The following CDH18 variants were observed in gnomAD, a reference collection of about 807,000 sequenced individuals.
CDH18 encodes the protein cadherin-18.
Under a neutral mutation model 67.9 loss-of-function variants are expected in CDH18, and 31 were observed. The observed-to-expected ratio is 0.46, with a 90% CI of 0.34 to 0.62. The LOEUF is 0.62. CDH18 is among the 20% of genes least tolerant of loss of function. The probability of loss-of-function intolerance (pLI) is 0.01; values close to 1 mark genes in which losing one functional copy is unlikely to be tolerated. For missense variants in CDH18, 890 were observed against 975.5 expected, an observed-to-expected ratio of 0.91 and a Z score of 1.17; for synonymous variants, 362 against 347.2, an observed-to-expected ratio of 1.04 and a Z score of -0.48.
chr5:20,060,745 A>G (rs1737174977), intron 2 of CDH18, among the ~76,000 whole-genome samples: 1 of 152,300 alleles, frequency 6.6e-6, no homozygotes, highest in African/African-American at 2.4e-5. Context: ...TTAAACTTGC[A>G]TCAAACAGAG....
intron 5 of CDH18, among the ~76,000 whole-genome samples, chr5:19,624,831 T>G (rs1751270601): frequency 6.6e-6 from 1 of 152,186 alleles, no homozygotes; most frequent in African/African-American, 2.4e-5. Flanking sequence ...TGATTAAGGT[T>G]GCATGCTACA....
chr5:19,760,577 A>G (rs547972934), intron 3 of CDH18, among the ~76,000 whole-genome samples: 2 of 152,304 alleles, frequency 1.3e-5, no homozygotes, highest in South Asian at 4.1e-4. Context: ...CAATAAATTC[A>G]GCCTGATCCG....
rs183557951 is a variant in CDH18, at chr5:19,960,916, T to C, written c.-257+20144A>G. Among the ~76,000 whole-genome samples the C allele has an allele frequency of 2.6e-3, 394 of 151,060 alleles. 3 individuals carry two copies. The highest frequency in any genetic ancestry group is 9.3e-3 in the African/African-American group (383 of 41,202). ...ATAACCCAATAACATAGTCATTTAT[T>C]ATCATTATCAAGCATTATGTAGTGT... On this transcript the variant is annotated intron_variant, in intron 2 of 12. Transcript: ENST00000382275.
Position 19,696,246 on chromosome 5 carries a change from TGTGTGTGTGTGTGTGC to T in CDH18, c.643+25085_643+25100del, listed in dbSNP as rs1211310356. On this transcript the variant is annotated intron_variant, in intron 5 of 12. Coordinates refer to ENST00000382275, the MANE Select transcript of CDH18 (RefSeq NM_004934.5). Reference sequence around the variant, plus strand: ...ATATATGTGTGTGTGTGTGTGTGTGTGTGTGTGTGTGTGTGCGTATTTTTTAAGACAGAGTCTTGCT... The same window carrying T: ...ATATATGTGTGTGTGTGTGTGTGTGTGTATTTTTTAAGACAGAGTCTTGCT... 3.3e-4 allele frequency among the ~76,000 whole-genome samples: 14 copies of T among 42,732 alleles called. No individual in the cohort carries two copies. In the East Asian group the frequency reaches 0.011, roughly 34 times the overall value. 28.0% of individuals were successfully genotyped at this position (42,732 alleles called of 152,430 possible). A position where few individuals can be genotyped will look rare whatever the true frequency, so the allele number is the denominator to read the frequency against.
intron 1 of CDH18, among the ~76,000 whole-genome samples, chr5:20,480,452 C>G (rs1487049611): frequency 1.3e-5 from 2 of 152,124 alleles, no homozygotes; most frequent in African/African-American, 4.8e-5. Context: ...CAGTCTCACT[C>G]TGTTGCCCAG....
chr5:19,486,464 A>G (rs1280581381), intron 11 of CDH18, among the ~76,000 whole-genome samples: 1 of 152,100 alleles, frequency 6.6e-6, no homozygotes, highest in East Asian at 1.9e-4. Flanking sequence ...GACAAGACCC[A>G]TAACAAATCT....
chr5:19,642,732 A>G (rs1754190351), intron 5 of CDH18, among the ~76,000 whole-genome samples: 1 of 152,066 alleles, frequency 6.6e-6, no homozygotes, highest in Admixed American at 6.5e-5. Context: ...GAAAAAAAAG[A>G]TAGGGGGAAG....
At chr5:20,244,691 G>A (rs1393977074) in intron 2 of CDH18, among the ~76,000 whole-genome samples, 1 of 152,024 alleles carries the variant, frequency 6.6e-6, no homozygotes, top group South Asian at 2.1e-4. Flanking sequence ...ATGTTGTCTT[G>A]ACAGTTTATG....
At chr5:20,505,226 C>T (rs900209578) in intron 1 of CDH18, among the ~76,000 whole-genome samples, 1 of 152,006 alleles carries the variant, frequency 6.6e-6, no homozygotes, top group African/African-American at 2.4e-5. Flanking sequence ...AGATTCTAAA[C>T]AGAAAAATAA....
chr5:20,364,906 T>A (rs986730696), intron 1 of CDH18, among the ~76,000 whole-genome samples: 1 of 152,206 alleles, frequency 6.6e-6, no homozygotes, highest in African/African-American at 2.4e-5. Flanking sequence ...AGTTACTTAA[T>A]GACTCAAGAG....
At chr5:20,306,323 C>G (rs1379565823) in intron 1 of CDH18, among the ~76,000 whole-genome samples, 1 of 152,088 alleles carries the variant, frequency 6.6e-6, no homozygotes, top group Admixed American at 6.5e-5. Flanking sequence ...ATATACTCTA[C>G]AGAAAAATAA....
At position 19,483,696 on chromosome 5, in the gene CDH18, TAA is replaced by T. The variant is rs1739886305; in HGVS notation, c.1631-146_1631-145del. On this transcript the variant is annotated intron_variant, in intron 11 of 12. Transcript: ENST00000382275. ...CAAGGGAACACGAAGGGGCAATTAT[TAA>T]AGAGAAGCTAATATTGGTTCTCCAA... The T allele has an allele frequency of 1.1e-5, 9 of 793,712 alleles. No individual in the cohort carries two copies. In the South Asian group the frequency reaches 2.0e-4, roughly 18 times the overall value. 49.2% of individuals were successfully genotyped at this position (793,712 alleles called of 1,614,324 possible).
intron 10 of CDH18, among the ~76,000 whole-genome samples, chr5:19,508,675 GTTAA>G (rs1744624240): frequency 6.6e-6 from 1 of 151,944 alleles, no homozygotes; most frequent in South Asian, 2.1e-4. Flanking sequence ...TCAATTGTCT[GTTAA>G]TTGAGACAGA....
intron 1 of CDH18, among the ~76,000 whole-genome samples, chr5:20,293,621 G>A (rs1415553461): frequency 1.3e-5 from 2 of 152,102 alleles, no homozygotes; most frequent in Non-Finnish European, 2.9e-5. Context: ...AATAAGTAGA[G>A]ATTAATGCAT....
intron 2 of CDH18, among the ~76,000 whole-genome samples, chr5:19,911,546 G>A (rs528410025): frequency 5.9e-5 from 9 of 151,916 alleles, no homozygotes; most frequent in Admixed American, 2.0e-4. Flanking sequence ...GGTTATGACG[G>A]TGATGTTCCC....
intron 1 of CDH18, chr5:20,305,488 G>A (rs1736342530): frequency 8.3e-7 from 1 of 1,209,782 alleles, no homozygotes; most frequent in South Asian, 1.2e-5. Flanking sequence ...GCACTCGCTG[G>A]GTCTTGGGTG....
chr5:20,000,726 A>T (rs2150400242), intron 2 of CDH18, among the ~76,000 whole-genome samples: 1 of 152,140 alleles, frequency 6.6e-6, no homozygotes, highest in African/African-American at 2.4e-5. Flanking sequence ...GATGAGAGGA[A>T]AGTTTCTAGG....
chr5:19,959,774 G>C (rs1046331573), intron 2 of CDH18, among the ~76,000 whole-genome samples: 1 of 152,032 alleles, frequency 6.6e-6, no homozygotes, highest in African/African-American at 2.4e-5. Flanking sequence ...ATTCTTGTAT[G>C]AACATCACAG....
At chr5:19,629,562 G>T (rs975118897) in intron 5 of CDH18, among the ~76,000 whole-genome samples, 8 of 152,134 alleles carry the variant, frequency 5.3e-5, no homozygotes, top group African/African-American at 1.9e-4. Context: ...CAGGCTGCAA[G>T]AGTTATCTTT....
Sources: allele counts gnomAD v4.1 joint callset (sites outside exome capture counted in the v4.1 genomes callset), GRCh38; gene constraint gnomAD v4.1.1; transcripts MANE v1.5; gene names NCBI Gene and HGNC (gene_info 2026-07-23, HGNC 2026-07-21).